Variants in RASGRF2 observed in about 807,000 individuals in gnomAD.
RASGRF2 encodes Ras protein specific guanine nucleotide releasing factor 2, also known as ras-specific guanine nucleotide-releasing factor 2.
Under a neutral mutation model 151.0 loss-of-function variants are expected in RASGRF2, and 76 were observed. That is an observed-to-expected ratio of 0.50 (90% CI 0.42 to 0.61). The LOEUF is 0.61. Ranked by LOEUF, RASGRF2 falls within the 20% of genes least tolerant of loss-of-function variation. The pLI, the probability that RASGRF2 is intolerant of heterozygous loss-of-function variation, is 0.00. For synonymous variants in RASGRF2, 504 were observed against 566.5 expected (o/e 0.89, Z 1.57); for missense variants, 1,148 against 1,564.6 (o/e 0.73, Z 4.49).
At chr5:80,974,940 T>C (rs1748064226) in intron 1 of RASGRF2, among the ~76,000 whole-genome samples, 3 of 152,308 alleles carry the variant, frequency 2.0e-5, no homozygotes, top group Admixed American at 1.3e-4. Flanking sequence ...TTAATCCATT[T>C]TGGGATTGAG....
chr5:81,057,454 G>A (rs1751260024), intron 2 of RASGRF2, among the ~76,000 whole-genome samples: 1 of 152,152 alleles, frequency 6.6e-6, no homozygotes, highest in Admixed American at 6.5e-5. Flanking sequence ...TTCACACTGT[G>A]CCTCTGCTTT....
At chr5:81,197,106 T>C (rs968951769) in intron 18 of RASGRF2, among the ~76,000 whole-genome samples, 1 of 152,214 alleles carries the variant, frequency 6.6e-6, no homozygotes, top group African/African-American at 2.4e-5. Context: ...TCTATGTTGC[T>C]CCTGGGCCCC....
intron 1 of RASGRF2, among the ~76,000 whole-genome samples, chr5:81,040,443 G>A (rs1181532359): frequency 6.6e-6 from 1 of 152,194 alleles, no homozygotes. Context: ...ATTTGATATT[G>A]TTGTAATAAT....
chr5:81,142,074 G>C (rs759928967), intron 17 of RASGRF2, among the ~76,000 whole-genome samples: 9 of 152,068 alleles, frequency 5.9e-5, no homozygotes, highest in Non-Finnish European at 1.0e-4. Context: ...CTTTTTCCAG[G>C]GTCTAGATTA....
intron 18 of RASGRF2, among the ~76,000 whole-genome samples, chr5:81,189,619 A>T (rs1015529379): frequency 6.6e-6 from 1 of 151,768 alleles, no homozygotes; most frequent in Admixed American, 6.6e-5. Context: ...TCCGCCTCCC[A>T]AAGTGCTGGG....
chr5:81,112,226 G>A (rs568057260), intron 13 of RASGRF2, among the ~76,000 whole-genome samples: 19 of 151,766 alleles, frequency 1.3e-4, no homozygotes, highest in Non-Finnish European at 2.5e-4. Context: ...TTGGAAGAAA[G>A]AAAAACAAAA....
chr5:81,145,786 G>A (rs1168230664), intron 17 of RASGRF2, among the ~76,000 whole-genome samples: 2 of 152,190 alleles, frequency 1.3e-5, no homozygotes, highest in Non-Finnish European at 2.9e-5. Flanking sequence ...CCCTGAGCCC[G>A]ATCCACCCAG....
rs536864517 is a variant in RASGRF2 at position 81,175,751 on chromosome 5, G to A, written c.2687-4424G>A. Among the ~76,000 whole-genome samples the A allele has an allele frequency of 1.2e-4, 10 of 81,954 alleles. No homozygotes were observed. In the East Asian group the frequency reaches 2.2e-3, roughly 18 times the overall value. 53.8% of individuals were successfully genotyped at this position (81,954 alleles called of 152,430 possible). A position where few individuals can be genotyped will look rare whatever the true frequency, so the allele number is the denominator to read the frequency against. On this transcript the variant is annotated intron_variant, in intron 17 of 26. Transcript: ENST00000265080. Reference sequence around the variant, plus strand: ...GCTTGGGCAACTAGAGCGAAACTCCGTCTCAAAAAAAAAAAAAAAAAAAGG... The same window carrying A: ...GCTTGGGCAACTAGAGCGAAACTCCATCTCAAAAAAAAAAAAAAAAAAAGG...
intron 2 of RASGRF2, among the ~76,000 whole-genome samples, chr5:81,056,492 A>G (rs944122754): frequency 5.9e-5 from 9 of 152,178 alleles, no homozygotes; most frequent in African/African-American, 1.2e-4. Flanking sequence ...GGTCTGAGAG[A>G]CAGTTTGTTA....
chr5:80,984,264 A>G (rs569591251), intron 1 of RASGRF2, among the ~76,000 whole-genome samples: 117 of 152,280 alleles, frequency 7.7e-4, no homozygotes, highest in Non-Finnish European at 1.1e-3. Context: ...ATGTTGGCTC[A>G]GCTGGTCACG....
At chr5:81,157,400 A>C (rs1471471400) in intron 17 of RASGRF2, among the ~76,000 whole-genome samples, 3 of 152,034 alleles carry the variant, frequency 2.0e-5, no homozygotes, top group African/African-American at 7.3e-5. Flanking sequence ...TACATTTAAC[A>C]AAAAAAGCTA....
chr5:81,011,947 C>T (rs1749476431), intron 1 of RASGRF2, among the ~76,000 whole-genome samples: 1 of 152,046 alleles, frequency 6.6e-6, no homozygotes. Flanking sequence ...CAAAATCTTG[C>T]TTTTTGTCAC....
At chr5:81,026,509 C>A (rs908849631) in intron 1 of RASGRF2, among the ~76,000 whole-genome samples, 1 of 152,118 alleles carries the variant, frequency 6.6e-6, no homozygotes, top group African/African-American at 2.4e-5. Flanking sequence ...GACACCAATG[C>A]CTTCACTGCA....
intron 17 of RASGRF2, among the ~76,000 whole-genome samples, chr5:81,128,636 G>A (rs1244535270): frequency 6.6e-6 from 1 of 152,156 alleles, no homozygotes; most frequent in African/African-American, 2.4e-5. Flanking sequence ...GGAGTGCGGG[G>A]AGCCGAGCGG....
intron 17 of RASGRF2, among the ~76,000 whole-genome samples, chr5:81,148,028 G>A (rs944003446): frequency 6.6e-6 from 1 of 152,168 alleles, no homozygotes; most frequent in Non-Finnish European, 1.5e-5. Flanking sequence ...TCCTCACTGG[G>A]TGTTAATGAC....
intron 2 of RASGRF2, among the ~76,000 whole-genome samples, chr5:81,060,409 A>G (rs1455442082): frequency 6.6e-6 from 1 of 151,386 alleles, no homozygotes; most frequent in African/African-American, 2.4e-5. Flanking sequence ...CCATTTCTCC[A>G]TGAAAGCAGC....
chr5:81,023,458 A>T (rs964224656), intron 1 of RASGRF2, among the ~76,000 whole-genome samples: 1 of 152,174 alleles, frequency 6.6e-6, no homozygotes, highest in African/African-American at 2.4e-5. Flanking sequence ...CAGATCTGAG[A>T]CAGATCTGTG....
chr5:81,112,866 T>A lies in RASGRF2; in HGVS notation c.2087+8T>A, dbSNP rs755312495. 1.2e-6 allele frequency: 2 copies of A among 1,614,152 alleles called. No individual in the cohort carries two copies. Among genetic ancestry groups the A allele is most frequent in the Non-Finnish European group, 1.7e-6 (2 of 1,180,006 alleles). ...CACCTCCATCCCTGTCAGGTACACC[T>A]ATTGCTAGAGGTTAGCCTGTCATTC... is the stretch of plus-strand genomic sequence containing the variant. On this transcript the variant is annotated splice_region_variant and intron_variant, in intron 14 of 26. Transcript: ENST00000265080.
At chr5:81,096,837 CT>C (rs1752561272) in intron 12 of RASGRF2, among the ~76,000 whole-genome samples, 1 of 151,902 alleles carries the variant, frequency 6.6e-6, no homozygotes, top group African/African-American at 2.4e-5. Context: ...CAACTTCCTC[CT>C]TATTTCTCCA....
Sources: gnomAD v4.1 joint callset for allele counts (sites outside exome capture counted in the v4.1 genomes callset) on GRCh38, gnomAD v4.1.1 for gene constraint, MANE v1.5 for transcripts, NCBI Gene and HGNC (gene_info 2026-07-23, HGNC 2026-07-21) for gene names.